SAMD12: variants seen among roughly 807,000 people sequenced by gnomAD.
SAMD12 encodes sterile alpha motif domain-containing protein 12.
A neutral mutation model predicts 15.0 loss-of-function variants in SAMD12; 9 were observed. The ratio of observed to expected loss-of-function variants is 0.60; its 90% confidence interval spans 0.36 to 1.05. The LOEUF (loss-of-function observed/expected upper bound fraction) is 1.05. Among genes scored for constraint, SAMD12 ranks in the 50% least tolerant of loss-of-function variants. SAMD12 has a pLI of 0.01. For missense variants in SAMD12, 230 were observed against 234.2 expected (o/e 0.98, Z 0.12); for synonymous variants, 86 against 90.1 (o/e 0.96, Z 0.25).
At chr8:118,446,441 C>T (rs956765419) in intron 2 of SAMD12, among the ~76,000 whole-genome samples, 1 of 152,120 alleles carries the variant, frequency 6.6e-6, no homozygotes, top group Admixed American at 6.6e-5. Context: ...ATGAATATAT[C>T]AAGGCTTGTG....
intron 1 of SAMD12, among the ~76,000 whole-genome samples, chr8:118,597,975 A>C (rs1827765065): frequency 6.6e-6 from 1 of 152,220 alleles, no homozygotes; most frequent in Admixed American, 6.5e-5. Flanking sequence ...TAATTGTTGA[A>C]TGAAGGAATA....
At chr8:118,496,111 C>T (rs2131027199) in intron 2 of SAMD12, among the ~76,000 whole-genome samples, 1 of 152,206 alleles carries the variant, frequency 6.6e-6, no homozygotes, top group South Asian at 2.1e-4. Context: ...TAGGAATAAT[C>T]TATATATTAA....
At chr8:118,152,586 T>C in the SAMD12 span, among the ~76,000 whole-genome samples, 2 of 151,924 alleles carry the variant, frequency 1.3e-5, no homozygotes, top group Non-Finnish European at 2.9e-5. Context: ...GCAACCTTTG[T>C]TCACCAGTCT....
chr8:118,466,334 A>G (rs1054826602), intron 2 of SAMD12, among the ~76,000 whole-genome samples: 6 of 152,230 alleles, frequency 3.9e-5, no homozygotes, highest in African/African-American at 1.4e-4. Flanking sequence ...CACATGCACT[A>G]TACTAAGACA....
At chr8:118,562,283 G>A (rs1177851244) in intron 2 of SAMD12, among the ~76,000 whole-genome samples, 1 of 152,252 alleles carries the variant, frequency 6.6e-6, no homozygotes, top group African/African-American at 2.4e-5. Context: ...GGACTCAGGA[G>A]AGAAGTTGGG....
At chr8:118,275,557 A>T (rs1357868789) in intron 4 of SAMD12, among the ~76,000 whole-genome samples, 1 of 152,182 alleles carries the variant, frequency 6.6e-6, no homozygotes, top group Non-Finnish European at 1.5e-5. Context: ...TAAAAAAGTA[A>T]TTACAACTTT....
chr8:118,475,156 G>A (rs2515003), intron 2 of SAMD12, among the ~76,000 whole-genome samples: 2 of 152,006 alleles, frequency 1.3e-5, no homozygotes, highest in Admixed American at 6.5e-5. Flanking sequence ...GGAGAATCAC[G>A]TGACCCTGGG....
chr8:118,252,602 C>T (rs1231020193), intron 4 of SAMD12, among the ~76,000 whole-genome samples: 4 of 152,022 alleles, frequency 2.6e-5, no homozygotes, highest in African/African-American at 9.7e-5. Context: ...CTTGCTTTTC[C>T]CAGTTCTCTT....
chr8:118,489,798 G>C (rs1362568968), intron 2 of SAMD12, among the ~76,000 whole-genome samples: 1 of 151,924 alleles, frequency 6.6e-6, no homozygotes, highest in Non-Finnish European at 1.5e-5. Flanking sequence ...TTCTTATGTT[G>C]GCTTTTCCTT....
intron 4 of SAMD12, among the ~76,000 whole-genome samples, chr8:118,270,796 T>C (rs1308834706): frequency 2.0e-5 from 3 of 152,168 alleles, no homozygotes; most frequent in Non-Finnish European, 4.4e-5. Flanking sequence ...CATTTGATCT[T>C]ATAATCCAAA....
chr8:118,224,637 T>C (rs1446910401), intron 4 of SAMD12, among the ~76,000 whole-genome samples: 1 of 152,068 alleles, frequency 6.6e-6, no homozygotes, highest in Non-Finnish European at 1.5e-5. Flanking sequence ...ATAAAACAAA[T>C]AAAAGGGATT....
At chr8:118,156,044 C>T in the SAMD12 span, among the ~76,000 whole-genome samples, 421 of 152,196 alleles carry the variant, frequency 2.8e-3, 1 homozygote, top group Middle Eastern at 0.02. Context: ...CAGTCTTTTG[C>T]AATGAATAAT....
At chr8:118,176,778 AT>A in the SAMD12 span, among the ~76,000 whole-genome samples, 1 of 152,318 alleles carries the variant, frequency 6.6e-6, no homozygotes, top group South Asian at 2.1e-4. Context: ...CATGTAACAA[AT>A]TGCACATGTA....
At chr8:118,169,381 T>C in the SAMD12 span, among the ~76,000 whole-genome samples, 2 of 152,222 alleles carry the variant, frequency 1.3e-5, no homozygotes, top group Non-Finnish European at 2.9e-5. Context: ...AGTTTGGTTC[T>C]ATTATTGTTT....
intron 4 of SAMD12, among the ~76,000 whole-genome samples, chr8:118,224,076 G>A (rs1266104857): frequency 6.6e-6 from 1 of 152,146 alleles, no homozygotes; most frequent in Admixed American, 6.6e-5. Context: ...TTCTAGTGAG[G>A]GAAGAGACAA....
chr8:118,578,931 T>C (rs1377763624), intron 2 of SAMD12, among the ~76,000 whole-genome samples: 1 of 152,190 alleles, frequency 6.6e-6, no homozygotes, highest in Non-Finnish European at 1.5e-5. Flanking sequence ...TGAATCTGGT[T>C]TCCAATATTA....
In SAMD12 at chr8:118,551,097, G is replaced by A. The variant is rs192942083; in HGVS notation, c.192+29618C>T. 2.8e-3 allele frequency among the ~76,000 whole-genome samples: 424 copies of A among 152,256 alleles called. 2 individuals are homozygous for A. Among genetic ancestry groups the A allele is most frequent in the African/African-American group, 9.9e-3 (410 of 41,542 alleles). On this transcript the variant is annotated intron_variant, in intron 2 of 3. Coordinates refer to ENST00000314727, the MANE Select transcript of SAMD12 (RefSeq NM_207506.3). ...TAATGGGAGACTTTAACACCCCACT[G>A]TCAACATTAGACAGATCAACGGGAC...
intron 4 of SAMD12, among the ~76,000 whole-genome samples, chr8:118,223,950 G>A (rs1812134014): frequency 6.6e-6 from 1 of 152,184 alleles, no homozygotes; most frequent in Admixed American, 6.5e-5. Flanking sequence ...CAATAAACAA[G>A]TAAGGGTAAC....
intron 2 of SAMD12, among the ~76,000 whole-genome samples, chr8:118,479,434 A>C (rs1824057560): frequency 1.3e-5 from 2 of 152,234 alleles, no homozygotes; most frequent in African/African-American, 4.8e-5. Context: ...GCAAGAAAGA[A>C]TGAGAAGTGA....
Sources: allele counts gnomAD v4.1 joint callset (sites outside exome capture counted in the v4.1 genomes callset), GRCh38; gene constraint gnomAD v4.1.1; transcripts MANE v1.5; gene names NCBI Gene and HGNC (gene_info 2026-07-23, HGNC 2026-07-21).